Variants in LPP observed in about 807,000 individuals in gnomAD.
LPP encodes LIM domain containing preferred translocation partner in lipoma.
Under a neutral mutation model 60.4 loss-of-function variants are expected in LPP, and 38 were observed. The observed-to-expected ratio is 0.63, with a 90% CI of 0.49 to 0.83. The LOEUF is 0.83. Among genes scored for constraint, LPP ranks in the 40% least tolerant of loss-of-function variants. The probability of loss-of-function intolerance (pLI) is 0.00; values close to 1 mark genes in which losing one functional copy is unlikely to be tolerated. For synonymous variants in LPP, 328 were observed against 290.8 expected (o/e 1.13, Z -1.30); for missense variants, 902 against 783.6 (o/e 1.15, Z -1.80).
At chr3:188,627,655 A>G (rs1324112472) in intron 7 of LPP, among the ~76,000 whole-genome samples, 1 of 152,076 alleles carries the variant, frequency 6.6e-6, no homozygotes, top group East Asian at 1.9e-4. Context: ...ACAGGTTATT[A>G]GAGAACTACA....
chr3:188,252,170 C>CATATATATATATATATATAT, intron 2 of LPP, among the ~76,000 whole-genome samples: 1 of 101,902 alleles, frequency 9.8e-6, no homozygotes, highest in South Asian at 3.5e-4. Flanking sequence ...CTTCCCCAAA[C>CATATATATATATATATATAT]ATATATATAT....
At position 188,524,654 on chromosome 3, in the gene LPP, G is replaced by C; in HGVS notation, c.307-11G>C. On this transcript the variant is annotated splice_polypyrimidine_tract_variant and intron_variant, in intron 5 of 11. Coordinates refer to ENST00000617246, the MANE Select transcript of LPP (RefSeq NM_001375462.1). ...TTTCCTTTGTTAACATGTCTGTGTT[G>C]CTTCCAACAGGGGAATCCCGGAGGC... 1 of 1,611,222 alleles carries C rather than the reference G, an allele frequency of 6.2e-7. No individual in the cohort carries two copies. The highest frequency in any genetic ancestry group is 8.5e-7 in the Non-Finnish European group (1 of 1,178,752).
intron 7 of LPP, among the ~76,000 whole-genome samples, chr3:188,623,533 C>T (rs1018730592): frequency 7.9e-5 from 12 of 152,242 alleles, no homozygotes; most frequent in Non-Finnish European, 1.6e-4. Context: ...CCTGGGATTA[C>T]AGGCATGAGC....
chr3:188,581,093 T>G (rs1299773988), intron 6 of LPP, among the ~76,000 whole-genome samples: 1 of 152,054 alleles, frequency 6.6e-6, no homozygotes, highest in African/African-American at 2.4e-5. Flanking sequence ...AATGGAGACT[T>G]TAGCCTGAAA....
chr3:188,296,122 G>A (rs751829909), intron 2 of LPP, among the ~76,000 whole-genome samples: 4 of 152,144 alleles, frequency 2.6e-5, no homozygotes, highest in Non-Finnish European at 4.4e-5. Context: ...AATGCTCTTC[G>A]TTTCATGCCG....
At chr3:188,437,184 G>A (rs140613009) in intron 4 of LPP, among the ~76,000 whole-genome samples, 4 of 152,320 alleles carry the variant, frequency 2.6e-5, no homozygotes, top group Admixed American at 2.0e-4. Flanking sequence ...ACTTGATGCT[G>A]CTGATAAATG....
At chr3:188,257,179 G>GT (rs1301654674) in intron 2 of LPP, among the ~76,000 whole-genome samples, 1 of 152,166 alleles carries the variant, frequency 6.6e-6, no homozygotes, top group Non-Finnish European at 1.5e-5. Context: ...TGCACATATA[G>GT]TAAGACTTTA....
At chr3:188,218,006 G>A (rs1223500192) in intron 1 of LPP, among the ~76,000 whole-genome samples, 1 of 152,104 alleles carries the variant, frequency 6.6e-6, no homozygotes, top group Non-Finnish European at 1.5e-5. Flanking sequence ...GACTTTATGG[G>A]CTGTATTTAA....
intron 6 of LPP, among the ~76,000 whole-genome samples, chr3:188,607,679 T>G (rs1474390006): frequency 2.6e-5 from 4 of 151,970 alleles, no homozygotes; most frequent in Admixed American, 2.0e-4. Context: ...TTATTATGAT[T>G]TAACATTTTT....
At chr3:188,387,766 C>A (rs1413497423) in intron 3 of LPP, among the ~76,000 whole-genome samples, 1 of 151,980 alleles carries the variant, frequency 6.6e-6, no homozygotes, top group African/African-American at 2.4e-5. Context: ...AGGGTTTCAT[C>A]ATGTTGATAA....
chr3:188,413,603 G>C (rs1253604863), intron 4 of LPP, among the ~76,000 whole-genome samples: 3 of 152,050 alleles, frequency 2.0e-5, no homozygotes, highest in Admixed American at 2.0e-4. Context: ...GGTCCTCAGG[G>C]GGACAAAAGA....
chr3:188,178,630 T>G (rs979458353), intron 1 of LPP: 1 of 152,392 alleles, frequency 6.6e-6, no homozygotes, highest in Non-Finnish European at 1.5e-5. Context: ...TGTGAGAATC[T>G]TTCAGATGTT....
intron 7 of LPP, among the ~76,000 whole-genome samples, chr3:188,706,796 CA>C (rs1226213956): frequency 1.3e-5 from 2 of 152,106 alleles, no homozygotes; most frequent in African/African-American, 4.8e-5. Flanking sequence ...ACCTTTTGGC[CA>C]ACTATTTTAA....
At chr3:188,458,099 G>C (rs1475157107) in intron 4 of LPP, among the ~76,000 whole-genome samples, 1 of 152,146 alleles carries the variant, frequency 6.6e-6, no homozygotes, top group Non-Finnish European at 1.5e-5. Context: ...GCATTCACAA[G>C]TTAGAGTTCC....
intron 7 of LPP, among the ~76,000 whole-genome samples, chr3:188,696,112 G>A (rs1395005032): frequency 6.6e-6 from 1 of 152,058 alleles, no homozygotes; most frequent in Non-Finnish European, 1.5e-5. Context: ...AAAGCACATA[G>A]AAAGGTGAAG....
chr3:188,332,280 T>A (rs1760310553), intron 2 of LPP, among the ~76,000 whole-genome samples: 1 of 152,214 alleles, frequency 6.6e-6, no homozygotes, highest in African/African-American at 2.4e-5. Context: ...CTGTGAAAAT[T>A]GTGACTTCAT....
At chr3:188,328,948 G>T (rs569271520) in intron 2 of LPP, among the ~76,000 whole-genome samples, 1 of 152,074 alleles carries the variant, frequency 6.6e-6, no homozygotes, top group Non-Finnish European at 1.5e-5. Context: ...TCCCTGTCCC[G>T]CTTATTGTAT....
chr3:188,158,352 C>T (rs1251655234), intron 1 of LPP, among the ~76,000 whole-genome samples: 1 of 152,002 alleles, frequency 6.6e-6, no homozygotes, highest in African/African-American at 2.4e-5. Context: ...AATCTGTTGG[C>T]TTGAGGGAAC....
chr3:188,625,235 C>T (rs778597811), intron 7 of LPP, among the ~76,000 whole-genome samples: 4 of 152,008 alleles, frequency 2.6e-5, no homozygotes, highest in Non-Finnish European at 4.4e-5. Context: ...AAATATGTTG[C>T]CTTTGCTTTT....
Sources: allele counts gnomAD v4.1 joint callset (sites outside exome capture counted in the v4.1 genomes callset), GRCh38; gene constraint gnomAD v4.1.1; transcripts MANE v1.5; gene names NCBI Gene and HGNC (gene_info 2026-07-23, HGNC 2026-07-21).